Variants in POLQ observed in about 807,000 individuals in gnomAD.
POLQ encodes the protein epididymis secretory sperm binding protein.
In POLQ, 233 loss-of-function variants were observed where a neutral mutation model predicts 259.2. The ratio of observed to expected loss-of-function variants is 0.90; its 90% CI spans 0.81 to 1.00. The LOEUF (loss-of-function observed/expected upper bound fraction) is 1.00, where lower values mean the gene tolerates loss of function less well. Among genes scored for constraint, POLQ ranks in the 50% least tolerant of loss-of-function variants. POLQ has a pLI of 0.00. For missense variants in POLQ, 2,871 were observed against 3,051.6 expected (o/e 0.94, Z 1.39); for synonymous variants, 1,025 against 1,048.8 (o/e 0.98, Z 0.44).
rs749181356 is a variant in POLQ, at chr3:121,476,738, A to T, written c.6212-5T>A. 1 of 1,592,930 alleles carries T rather than the reference A, an allele frequency of 6.3e-7. No homozygotes were observed. The highest frequency in any genetic ancestry group is 8.6e-7 in the Non-Finnish European group (1 of 1,168,536). On this transcript the variant is annotated splice_polypyrimidine_tract_variant and splice_region_variant and intron_variant, in intron 19 of 29. Coordinates refer to ENST00000264233, the MANE Select transcript of POLQ (RefSeq NM_199420.4). ...TTTCCACCTTACGGAAAACATCTGG[A>T]AGAAAAAAGAAAATTAAAACGTTAA...
intron 19 of POLQ, among the ~76,000 whole-genome samples, chr3:121,480,644 GA>G (rs1317080160): frequency 2.7e-5 from 4 of 148,234 alleles, no homozygotes; most frequent in Admixed American, 2.0e-4. Flanking sequence ...TGAAAGTGCA[GA>G]AAAAAAAAGG....
chr3:121,511,795 A>C, intron 10 of POLQ, 92 bp downstream of exon 10: 1 of 1,040,408 alleles, frequency 9.6e-7, no homozygotes, highest in Non-Finnish European at 1.4e-6. Context: ...AATTAAAAAA[A>C]ATAAATAAAT....
Position 121,485,043 on chromosome 3 carries a change from G to T in POLQ, c.5771C>A (p.Ser1924Tyr), listed in dbSNP as rs750849968. 3 of 1,608,770 alleles carry T rather than the reference G, an allele frequency of 1.9e-6. No individual in the cohort carries two copies. The South Asian group carries it at 3.3e-5, about 18-fold the overall frequency. Residue 1924 changes from serine to tyrosine, a missense_variant and splice_region_variant, in exon 17 of 30, where the codon TCT (serine) becomes TAT (tyrosine). Transcript: ENST00000264233. ...TTAGCCAAATACTCATTACTTACCA[G>T]AATGCTTTTGTTCCTTCTGCAGTGA... is the stretch of plus-strand genomic sequence containing the variant. The part of the protein sequence containing the change: ...YFSLQKEQKH[S>Y]EISASLVPPS...
chr3:121,505,062 C>CTT (rs1245683285), intron 12 of POLQ, among the ~76,000 whole-genome samples: 2 of 152,202 alleles, frequency 1.3e-5, no homozygotes, highest in Non-Finnish European at 2.9e-5. Flanking sequence ...AAGACCGTTT[C>CTT]TTATGGTTTA....
intron 9 of POLQ, among the ~76,000 whole-genome samples, chr3:121,518,043 C>A (rs964515801): frequency 6.6e-6 from 1 of 152,104 alleles, no homozygotes; most frequent in African/African-American, 2.4e-5. Flanking sequence ...AATACTGAAC[C>A]CTTGCTGCCA....
Position 121,537,135 on chromosome 3 carries a change from G to C in POLQ, c.705C>G (p.Thr235=). The change falls in exon 5 of 30, where the codon ACC becomes ACG. Residue 235 remains threonine (T), a synonymous_variant. Coordinates refer to ENST00000264233, the MANE Select transcript of POLQ (RefSeq NM_199420.4). ...HRGYLLELLL[T]KICYITRKSA... ...ATTTCCGAGTAATATAGCAAATCTT[G>C]GTCAGCAAAAGTTCCAGCAGATACC... 1 of 1,593,794 alleles carries C rather than the reference G, an allele frequency of 6.3e-7. No homozygotes were observed. Among genetic ancestry groups the C allele is most frequent in the Non-Finnish European group, 8.6e-7 (1 of 1,161,770 alleles).
intron 8 of POLQ, among the ~76,000 whole-genome samples, chr3:121,520,819 A>T (rs970755286): frequency 6.6e-6 from 1 of 152,224 alleles, no homozygotes; most frequent in Non-Finnish European, 1.5e-5. Flanking sequence ...GTGGGTAGTG[A>T]TATGCCTTAT....
At chr3:121,518,058 A>G (rs2108811570) in intron 9 of POLQ, among the ~76,000 whole-genome samples, 2 of 152,332 alleles carry the variant, frequency 1.3e-5, no homozygotes, top group Middle Eastern at 6.8e-3. Flanking sequence ...CTGCCAAGGA[A>G]AACAGATGAT....
At chr3:121,501,536 G>A (rs1320631728) in intron 12 of POLQ, among the ~76,000 whole-genome samples, 4 of 150,058 alleles carry the variant, frequency 2.7e-5, no homozygotes, top group African/African-American at 2.4e-5. Context: ...GCGGGCGCCT[G>A]TAGTCCCAGC....
At position 121,488,673 on chromosome 3, in the gene POLQ, G is replaced by C. The variant is rs2048035666; in HGVS notation, c.4258C>G (p.Pro1420Ala). ...LTPESPIFHS[P>A]ILLEENGLFL... is the part of the protein sequence containing the mutation. The stretch of plus-strand genomic sequence containing the variant: ...AGACCATTTTCCTCCAATAGTATTG[G>C]AGAATGGAAAATCGGGCTTTCTGGA... Residue 1420 changes from proline to alanine, a missense_variant, in exon 16 of 30, where the codon CCA becomes GCA. Around this residue, in one of 3 missense-constraint regions of POLQ, gnomAD observed 2,080 missense variants for 2,126.0 expected, o/e 0.98. Transcript: ENST00000264233. The C allele has an allele frequency of 6.2e-7, 1 of 1,612,136 alleles. No homozygotes were observed. Among genetic ancestry groups the C allele is most frequent in the Admixed American group, 1.7e-5 (1 of 59,612 alleles).
chr3:121,513,477 C>T (rs557449534), intron 9 of POLQ, among the ~76,000 whole-genome samples: 2 of 151,608 alleles, frequency 1.3e-5, no homozygotes, highest in East Asian at 3.9e-4. Context: ...TGGCACGCAC[C>T]TGTAGTCCCA....
chr3:121,489,922 G>T lies in POLQ; in HGVS notation c.3009C>A (p.Ala1003=), dbSNP rs775084619. Residue 1003 remains alanine (A), a synonymous_variant, in exon 16 of 30, where the codon GCC becomes GCA. Transcript: ENST00000264233. ...SLDINKEKPG[A]SQNEGKTSDK... is the part of the protein sequence containing the mutation. The stretch of plus-strand genomic sequence containing the variant: ...CACTTGTTTTCCCCTCATTCTGAGA[G>T]GCTCCTGGCTTCTCTTTATTTATAT... The T allele has an allele frequency of 3.8e-6, 6 of 1,582,508 alleles. No homozygotes were observed. The African/African-American group carries it at 4.1e-5, about 11-fold the overall frequency.
At chr3:121,451,576 A>G (rs532644393) in intron 25 of POLQ, among the ~76,000 whole-genome samples, 106 of 152,330 alleles carry the variant, frequency 7.0e-4, no homozygotes, top group Middle Eastern at 3.4e-3. Context: ...TTGCCTCGGT[A>G]TGAGCAGCGG....
intron 12 of POLQ, among the ~76,000 whole-genome samples, chr3:121,504,729 T>C (rs902915563): frequency 2.6e-4 from 39 of 152,208 alleles, no homozygotes; most frequent in Non-Finnish European, 5.9e-5. Context: ...CCTTTTGGAA[T>C]GGAAGTATTT....
chr3:121,439,141 G>A (rs1212833163), intron 27 of POLQ, among the ~76,000 whole-genome samples: 1 of 151,596 alleles, frequency 6.6e-6, no homozygotes, highest in East Asian at 1.9e-4. Context: ...CATAATTTGA[G>A]CAAATATCAA....
At chr3:121,537,398 A>T (rs1039335173) in intron 4 of POLQ, among the ~76,000 whole-genome samples, 190 bp from the exon 5 acceptor site, 1 of 152,168 alleles carries the variant, frequency 6.6e-6, no homozygotes, top group Non-Finnish European at 1.5e-5. Flanking sequence ...TGATCCCATC[A>T]CCCAGGTACT....
In POLQ at chr3:121,526,860, CGT is replaced by C. The variant is rs569221961; in HGVS notation, c.1108+2783_1108+2784del. On this transcript the variant is annotated intron_variant, in intron 7 of 29. Transcript: ENST00000264233. ...GGTATGTATTTCTTCTGTGTGTGTG[CGT>C]GTGTGTCTCTGTATGTGTGTGTGTG... Among the ~76,000 whole-genome samples, 23 of 138,138 alleles carry C rather than the reference CGT, an allele frequency of 1.7e-4. 1 individual carries two copies. Among genetic ancestry groups the C allele is most frequent in the African/African-American group, 4.9e-4 (17 of 35,020 alleles). The allele number at this position is 138,138 out of a possible 152,430, so 90.6% of individuals were successfully genotyped here.
intron 26 of POLQ, among the ~76,000 whole-genome samples, chr3:121,446,167 T>A: frequency 6.6e-6 from 1 of 152,272 alleles, no homozygotes; most frequent in African/African-American, 2.4e-5. Context: ...CAAGAAATTT[T>A]AAATTTTCTT....
At chr3:121,452,685 C>A (rs2047689308) in intron 25 of POLQ, among the ~76,000 whole-genome samples, 5 of 150,706 alleles carry the variant, frequency 3.3e-5, no homozygotes, top group African/African-American at 1.2e-4. Flanking sequence ...AAGTCGGGTG[C>A]CCAATGCCCG....
Sources: allele counts gnomAD v4.1 joint callset (sites outside exome capture counted in the v4.1 genomes callset), GRCh38; gene constraint gnomAD v4.1.1; regional missense constraint gnomAD v4.1.1; transcripts MANE v1.5; gene names NCBI Gene and HGNC (gene_info 2026-07-23, HGNC 2026-07-21).